The following DSCAM variants were observed in gnomAD, a reference collection of about 807,000 sequenced individuals.
DSCAM encodes cell adhesion molecule DSCAM.
Under a neutral mutation model 217.7 loss-of-function variants are expected in DSCAM, and 47 were observed. The ratio of observed to expected loss-of-function variants is 0.22; its 90% CI spans 0.17 to 0.28. DSCAM has a LOEUF of 0.28. Among genes scored for constraint, DSCAM ranks in the 10% least tolerant of loss-of-function variants. The pLI is 1.00. For missense variants in DSCAM, 2,080 were observed against 2,618.3 expected (o/e 0.79, Z 4.49); for synonymous variants, 1,056 against 1,015.3 (o/e 1.04, Z -0.76).
intron 11 of DSCAM, among the ~76,000 whole-genome samples, chr21:40,193,231 G>A (rs771097515): frequency 5.9e-5 from 9 of 152,116 alleles, no homozygotes; most frequent in Non-Finnish European, 1.3e-4. Context: ...CATGTTCCTC[G>A]ACAGCTGGAG....
At chr21:40,600,509 A>ACCC (rs200787990) in intron 3 of DSCAM, among the ~76,000 whole-genome samples, 1,829 of 152,264 alleles carry the variant, frequency 0.012, 16 homozygotes, top group East Asian at 0.029. Context: ...TTTTGGGGAG[A>ACCC]CACATACATC....
intron 6 of DSCAM, 78 bp from the exon 7 acceptor site, chr21:40,339,493 TA>T (rs2074465732): frequency 7.3e-7 from 1 of 1,367,638 alleles, no homozygotes; most frequent in Admixed American, 2.4e-5. Context: ...CTTTCATGTC[TA>T]GGGGGTAAAT....
chr21:40,453,185 T>A (rs1569129911), intron 3 of DSCAM, among the ~76,000 whole-genome samples: 1 of 152,074 alleles, frequency 6.6e-6, no homozygotes, highest in Non-Finnish European at 1.5e-5. Context: ...GCTTAATGTA[T>A]AACCTTTTTA....
intron 21 of DSCAM, among the ~76,000 whole-genome samples, chr21:40,090,513 G>A (rs763405223): frequency 4.6e-5 from 7 of 152,144 alleles, no homozygotes; most frequent in South Asian, 2.1e-4. Context: ...GGGCATTTTC[G>A]CCTGGTTTTG....
chr21:40,042,377 G>C lies in DSCAM; in HGVS notation c.5680C>G (p.Arg1894Gly). Reference protein sequence around the residue: ...VMNMAVPKAHRPGDLIHLPPY... With the variant: ...VMNMAVPKAHGPGDLIHLPPY... Reference sequence around the variant, plus strand: ...GGTGGCCTTGCTCACCTACCTGGCCGATGTGCCTTTGGAACTGCCATATTC... The same window carrying C: ...GGTGGCCTTGCTCACCTACCTGGCCCATGTGCCTTTGGAACTGCCATATTC... The change falls in exon 32 of 33, where the codon CGG becomes GGG. Residue 1894 changes from arginine to glycine, a missense_variant. Coordinates refer to ENST00000400454, the MANE Select transcript of DSCAM (RefSeq NM_001389.5). 1.2e-6 allele frequency: 2 copies of C among 1,613,242 alleles called. No homozygotes were observed. Among genetic ancestry groups the C allele is most frequent in the Non-Finnish European group, 1.7e-6 (2 of 1,179,432 alleles).
At chr21:40,626,229 C>T (rs1044315546) in intron 3 of DSCAM, among the ~76,000 whole-genome samples, 1 of 152,118 alleles carries the variant, frequency 6.6e-6, no homozygotes, top group Admixed American at 6.5e-5. Flanking sequence ...CCTGCCTCAT[C>T]CCTGCCCTCA....
chr21:40,754,767 C>T (rs377658820), intron 1 of DSCAM, among the ~76,000 whole-genome samples: 1 of 152,226 alleles, frequency 6.6e-6, no homozygotes, highest in Non-Finnish European at 1.5e-5. Context: ...CACCACCGCT[C>T]ATTTTTGTTT....
chr21:40,282,544 C>T (rs1380118835), intron 10 of DSCAM, among the ~76,000 whole-genome samples: 1 of 126,646 alleles, frequency 7.9e-6, no homozygotes. Context: ...TGAGCCAAGA[C>T]AGCGCCACTG....
chr21:40,616,964 C>T (rs1451470131), intron 3 of DSCAM, among the ~76,000 whole-genome samples: 1 of 140,876 alleles, frequency 7.1e-6, no homozygotes, highest in African/African-American at 2.6e-5. Context: ...TTGCAGTGAG[C>T]CGAGATCCCG....
At chr21:40,278,342 A>T (rs1160761946) in intron 10 of DSCAM, among the ~76,000 whole-genome samples, 1 of 152,220 alleles carries the variant, frequency 6.6e-6, no homozygotes, top group Non-Finnish European at 1.5e-5. Context: ...TAAATTTAGC[A>T]GGTCATACAG....
Position 40,312,111 on chromosome 21 carries a change from C to T in DSCAM, c.2032G>A (p.Val678Met). ...TCIARNEAAA[V>M]EHQSQLIVRV... is the part of the protein sequence containing the mutation. Reference sequence around the variant, plus strand: ...ACAATCAACTGGCTTTGGTGCTCCACAGCGGCGGCCTCATTCCGGGCTATG... The same window carrying T: ...ACAATCAACTGGCTTTGGTGCTCCATAGCGGCGGCCTCATTCCGGGCTATG... The change falls in exon 9 of 33, where the codon GTG becomes ATG. Residue 678 changes from valine to methionine, a missense_variant. Val to Met is a conservative substitution (Grantham distance 21). Around this residue, in one of 5 missense-constraint regions of DSCAM, gnomAD observed 218 missense variants for 364.1 expected, o/e 0.60. Coordinates refer to ENST00000400454, the MANE Select transcript of DSCAM (RefSeq NM_001389.5). 2 of 1,614,082 alleles carry T rather than the reference C, an allele frequency of 1.2e-6. No individual in the cohort carries two copies. Among genetic ancestry groups the T allele is most frequent in the South Asian group, 2.2e-5 (2 of 91,082 alleles).
intron 3 of DSCAM, among the ~76,000 whole-genome samples, chr21:40,435,546 CAA>C (rs3069912): frequency 1.3e-4 from 18 of 143,486 alleles, no homozygotes; most frequent in African/African-American, 1.0e-4. Context: ...CTGTATCTAC[CAA>C]AAAAAAAAAA....
intron 1 of DSCAM, among the ~76,000 whole-genome samples, chr21:40,755,591 G>GT (rs1327700264): frequency 6.6e-6 from 1 of 152,070 alleles, no homozygotes; most frequent in Non-Finnish European, 1.5e-5. Flanking sequence ...GAAAGGGAAG[G>GT]TCTCCCCTAC....
intron 11 of DSCAM, among the ~76,000 whole-genome samples, chr21:40,241,306 C>A (rs1338449468): frequency 6.6e-6 from 1 of 152,068 alleles, no homozygotes; most frequent in Non-Finnish European, 1.5e-5. Context: ...AAACAAACAA[C>A]CCCATTAAAA....
chr21:40,072,137 C>T (rs1361373499), intron 27 of DSCAM, among the ~76,000 whole-genome samples: 1 of 152,138 alleles, frequency 6.6e-6, no homozygotes, highest in Non-Finnish European at 1.5e-5. Flanking sequence ...CTCTCTAGGA[C>T]CTGGCTAAAC....
chr21:40,385,992 T>C (rs2123742930), intron 3 of DSCAM, among the ~76,000 whole-genome samples: 1 of 152,340 alleles, frequency 6.6e-6, no homozygotes, highest in East Asian at 1.9e-4. Context: ...TTGTAAGTGT[T>C]CACCATGAGC....
intron 32 of DSCAM, among the ~76,000 whole-genome samples, chr21:40,041,580 C>T (rs140525641): frequency 3.6e-4 from 55 of 152,208 alleles, no homozygotes; most frequent in African/African-American, 7.0e-4. Flanking sequence ...GGCCCATGTC[C>T]GCCTCGCTCC....
At chr21:40,488,550 C>A (rs2076049119) in intron 3 of DSCAM, among the ~76,000 whole-genome samples, 1 of 151,998 alleles carries the variant, frequency 6.6e-6, no homozygotes, top group African/African-American at 2.4e-5. Context: ...CAGAGTGACA[C>A]ATGCACAGTC....
chr21:40,750,849 A>G (rs893782761), intron 1 of DSCAM, among the ~76,000 whole-genome samples: 6 of 152,042 alleles, frequency 3.9e-5, no homozygotes, highest in African/African-American at 1.4e-4. Flanking sequence ...AGCCTTTGTG[A>G]TGCACCCAGC....
Sources: allele counts gnomAD v4.1 joint callset (sites outside exome capture counted in the v4.1 genomes callset), GRCh38; gene constraint gnomAD v4.1.1; regional missense constraint gnomAD v4.1.1; transcripts MANE v1.5; gene names NCBI Gene and HGNC (gene_info 2026-07-23, HGNC 2026-07-21).